Variants in FRAS1 observed in about 807,000 individuals in gnomAD.
FRAS1 encodes extracellular matrix organizing protein FRAS1.
In FRAS1, 290 loss-of-function variants were observed where a neutral mutation model predicts 435.2. The ratio of observed to expected loss-of-function variants is 0.67; its 90% CI spans 0.61 to 0.73. FRAS1 has a LOEUF of 0.73. Ranked by LOEUF, FRAS1 falls within the 30% of genes least tolerant of loss-of-function variation. FRAS1 has a pLI of 0.00. For synonymous variants in FRAS1, 1,800 were observed against 1,851.0 expected (o/e 0.97, Z 0.71); for missense variants, 4,860 against 5,001.5 (o/e 0.97, Z 0.85).
chr4:78,503,968 A>G (rs776432846), intron 61 of FRAS1, among the ~76,000 whole-genome samples: 3 of 152,200 alleles, frequency 2.0e-5, no homozygotes, highest in Non-Finnish European at 2.9e-5. Flanking sequence ...TAATTTCATT[A>G]TGTACCCAGT....
At chr4:78,468,308 T>A (rs1001041841) in intron 50 of FRAS1, among the ~76,000 whole-genome samples, 1 of 152,194 alleles carries the variant, frequency 6.6e-6, no homozygotes, top group African/African-American at 2.4e-5. Context: ...TAAAAGATAC[T>A]CATTTAATTT....
At chr4:78,482,721 G>A (rs1020236371) in intron 58 of FRAS1, among the ~76,000 whole-genome samples, 186 bp downstream of exon 58, 1 of 152,184 alleles carries the variant, frequency 6.6e-6, no homozygotes, top group Admixed American at 6.5e-5. Context: ...AACCATTGAT[G>A]TCTCCGGTAC....
chr4:78,430,493 T>C (rs1042572324), intron 37 of FRAS1, 76 bp downstream of exon 37: 1 of 1,473,338 alleles, frequency 6.8e-7, no homozygotes, highest in Non-Finnish European at 9.2e-7. Flanking sequence ...GTTATGTGTC[T>C]CAGACGAGAG....
intron 18 of FRAS1, among the ~76,000 whole-genome samples, chr4:78,321,579 C>T (rs528546262): frequency 1.3e-5 from 2 of 152,280 alleles, no homozygotes; most frequent in Non-Finnish European, 2.9e-5. Context: ...TTCGGTGGCT[C>T]ACGCCTGTAA....
At chr4:78,292,910 G>C (rs1727964834) in intron 14 of FRAS1, among the ~76,000 whole-genome samples, 1 of 152,102 alleles carries the variant, frequency 6.6e-6, no homozygotes, top group Admixed American at 6.5e-5. Context: ...GAACTTCTTT[G>C]GCATTCTACA....
At chr4:78,525,298 T>G (rs376640144) in intron 69 of FRAS1, among the ~76,000 whole-genome samples, 1 of 152,230 alleles carries the variant, frequency 6.6e-6, no homozygotes. Flanking sequence ...TCATTTTCCA[T>G]GTAATTTAAA....
In FRAS1 at chr4:78,543,916, T is replaced by C. The variant is rs1722130857; in HGVS notation, c.*2792T>C. ...ACTACTTGCTTTTATATGCTGGCTGTGAAGGTTAAAAGAAAGAATGGTCTG... is the reference window on the plus strand; with the variant it reads ...ACTACTTGCTTTTATATGCTGGCTGCGAAGGTTAAAAGAAAGAATGGTCTG... On this transcript the variant is annotated 3_prime_UTR_variant, in exon 74 of 74. Coordinates refer to ENST00000512123, the MANE Select transcript of FRAS1 (RefSeq NM_025074.7). The C allele has an allele frequency of 6.7e-6, 1 of 148,364 alleles. No homozygotes were observed. The highest frequency in any genetic ancestry group is 1.5e-5 in the Non-Finnish European group (1 of 67,124). 9.2% of individuals were successfully genotyped at this position (148,364 alleles called of 1,614,324 possible).
At chr4:78,441,099 G>T in intron 40 of FRAS1, 63 bp from the exon 41 acceptor site, 1 of 1,570,954 alleles carries the variant, frequency 6.4e-7, no homozygotes, top group South Asian at 1.1e-5. Flanking sequence ...TTGCAATCCA[G>T]CTCTTTTTTT....
chr4:78,304,554 G>T (rs2110213092), intron 14 of FRAS1, among the ~76,000 whole-genome samples: 1 of 152,044 alleles, frequency 6.6e-6, no homozygotes, highest in Admixed American at 6.5e-5. Context: ...CCTGTTATTG[G>T]TCTATTCAGA....
chr4:78,274,535 G>A (rs113747560), intron 9 of FRAS1, among the ~76,000 whole-genome samples: 88,575 of 151,946 alleles, frequency 0.58, 26,438 homozygotes, highest in Middle Eastern at 0.69. Flanking sequence ...CGTTGGTTTC[G>A]AAGAACATCT....
intron 2 of FRAS1, among the ~76,000 whole-genome samples, chr4:78,203,397 G>C (rs1054874553): frequency 3.3e-5 from 5 of 152,082 alleles, no homozygotes; most frequent in Admixed American, 1.3e-4. Context: ...AAATTTGTTT[G>C]TAACCCCCAA....
At chr4:78,391,647 GT>G (rs1732447935) in intron 29 of FRAS1, among the ~76,000 whole-genome samples, 2 of 151,826 alleles carry the variant, frequency 1.3e-5, no homozygotes, top group Admixed American at 1.3e-4. Context: ...GAACTTCTTT[GT>G]TACTCTTTGA....
intron 61 of FRAS1, among the ~76,000 whole-genome samples, chr4:78,505,737 G>A (rs1342004105): frequency 2.1e-5 from 3 of 143,414 alleles, no homozygotes; most frequent in Non-Finnish European, 3.1e-5. Flanking sequence ...CTGTCAACTC[G>A]CCAAAGTCAT....
chr4:78,480,574 G>T (rs4416499), intron 56 of FRAS1, among the ~76,000 whole-genome samples: 32,923 of 152,046 alleles, frequency 0.22, 4,052 homozygotes, highest in African/African-American at 0.32. Flanking sequence ...TTAGTGTACT[G>T]CTAGCTCCTG....
intron 61 of FRAS1, among the ~76,000 whole-genome samples, chr4:78,502,015 A>C (rs141237085): frequency 0.14 from 21,962 of 152,232 alleles, 1,902 homozygotes; most frequent in Non-Finnish European, 0.21. Context: ...TTTGTCAAAG[A>C]TCAGATGGTT....
rs565409662 is a variant in FRAS1, at chr4:78,273,685, G to C, written c.982-4970G>C. Among the ~76,000 whole-genome samples, 61 of 152,282 alleles carry C rather than the reference G, an allele frequency of 4.0e-4. 1 individual carries two copies. In the South Asian group the frequency reaches 0.011, roughly 28 times the overall value. ...AAGCCCACTTGATCATGGTGGATAAGCTTTTTGATGTGCTGCTGGATTTGG... is the reference window on the plus strand; with the variant it reads ...AAGCCCACTTGATCATGGTGGATAACCTTTTTGATGTGCTGCTGGATTTGG... On this transcript the variant is annotated intron_variant, in intron 9 of 73. Coordinates refer to ENST00000512123, the MANE Select transcript of FRAS1 (RefSeq NM_025074.7).
chr4:78,491,302 T>C (rs374947878), intron 59 of FRAS1, among the ~76,000 whole-genome samples: 104 of 152,330 alleles, frequency 6.8e-4, no homozygotes, highest in African/African-American at 2.4e-3. Flanking sequence ...TCCTAATTCA[T>C]TTTATGAGGC....
At chr4:78,074,699 T>A (rs1234393816) in intron 2 of FRAS1, among the ~76,000 whole-genome samples, 5 of 152,122 alleles carry the variant, frequency 3.3e-5, no homozygotes. Flanking sequence ...TGAGTGTGAC[T>A]TGTGGCCAAT....
chr4:78,363,503 C>T lies in FRAS1; in HGVS notation c.2423-10C>T. 1 of 1,604,122 alleles carries T rather than the reference C, an allele frequency of 6.2e-7. No homozygotes were observed. The highest frequency in any genetic ancestry group is 1.7e-5 in the Admixed American group (1 of 59,604). On this transcript the variant is annotated splice_polypyrimidine_tract_variant and intron_variant, in intron 20 of 73. Coordinates refer to ENST00000512123, the MANE Select transcript of FRAS1 (RefSeq NM_025074.7). ...CCCGTGCCTTCTCTGTGCTCCCCTT[C>T]CCCCTCCAGACTGCCATCACCTGTG...
Sources: allele counts gnomAD v4.1 joint callset (sites outside exome capture counted in the v4.1 genomes callset), GRCh38; gene constraint gnomAD v4.1.1; transcripts MANE v1.5; gene names NCBI Gene and HGNC (gene_info 2026-07-23, HGNC 2026-07-21).